Variants in DNAJC13 observed in about 807,000 individuals in gnomAD.
The protein encoded by DNAJC13 is DnaJ heat shock protein family (Hsp40) member C13.
Under a neutral mutation model 290.5 loss-of-function variants are expected in DNAJC13, and 75 were observed. The observed-to-expected ratio is 0.26, with a 90% confidence interval of 0.21 to 0.31. The LOEUF (loss-of-function observed/expected upper bound fraction) is 0.31, where lower values mean the gene tolerates loss of function less well. DNAJC13 is among the 10% of genes least tolerant of loss of function. The pLI, the probability that DNAJC13 is intolerant of heterozygous loss-of-function variation, is 1.00. For missense variants in DNAJC13, 2,260 were observed against 2,674.5 expected (o/e 0.85, Z 3.42); for synonymous variants, 862 against 892.0 (o/e 0.97, Z 0.60).
At chr3:132,523,881 G>A in intron 51 of DNAJC13, 168 bp downstream of exon 51, 1 of 635,554 alleles carries the variant, frequency 1.6e-6, no homozygotes, top group South Asian at 2.5e-5. Context: ...TTTTTGCCAT[G>A]TTCAAAAGTG....
chr3:132,467,708 G>A (rs1006565893), intron 20 of DNAJC13, among the ~76,000 whole-genome samples: 9 of 151,926 alleles, frequency 5.9e-5, no homozygotes, highest in African/African-American at 1.9e-4. Flanking sequence ...CTCGTGATCC[G>A]CCTGCCTCAG....
In DNAJC13 at chr3:132,487,559, A is replaced by ATTTTT. The variant is rs10663131; in HGVS notation, c.3268-723_3268-719dup. 2.6e-3 allele frequency among the ~76,000 whole-genome samples: 282 copies of ATTTTT among 110,436 alleles called. 24 individuals carry two copies. Among genetic ancestry groups the ATTTTT allele is most frequent in the African/African-American group, 0.012 (224 of 18,784 alleles). 72.5% of individuals were successfully genotyped at this position (110,436 alleles called of 152,430 possible). On this transcript the variant is annotated intron_variant, in intron 29 of 55. Coordinates refer to ENST00000260818, the MANE Select transcript of DNAJC13 (RefSeq NM_015268.4). ...GCGTGAGCCACCATGCCTGGCTGTA[A>ATTTTT]TTTTTTTTTTTTTTTTTTTTACTGG...
At position 132,456,395 on chromosome 3, in the gene DNAJC13, C is replaced by T. The variant is rs1469762077; in HGVS notation, c.1093C>T (p.Pro365Ser). 6.2e-7 allele frequency: 1 copy of T among 1,612,506 alleles called. No individual in the cohort carries two copies. Among genetic ancestry groups the T allele is most frequent in the African/African-American group, 1.3e-5 (1 of 74,772 alleles). Reference sequence around the variant, plus strand: ...CCTTCACCTCAGGTTCTTAGCTACGCCTCCAAGTAAGTATTGATTTAAATG... The same window carrying T: ...CCTTCACCTCAGGTTCTTAGCTACGTCTCCAAGTAAGTATTGATTTAAATG... The part of the protein sequence containing the change: ...ESLHLRFLAT[P>S]PNGNFADAVF... Residue 365 changes from proline to serine, a missense_variant, in exon 10 of 56, where the codon CCT becomes TCT. Around this residue, in one of 3 missense-constraint regions of DNAJC13, gnomAD observed 762 missense variants for 964.1 expected, o/e 0.79. Transcript: ENST00000260818.
At chr3:132,499,655 A>T in intron 37 of DNAJC13, 79 bp from the exon 38 acceptor site, 1 of 1,173,842 alleles carries the variant, frequency 8.5e-7, no homozygotes, top group African/African-American at 1.5e-5. Context: ...AGGGTTATTT[A>T]TATTTTATTA....
chr3:132,435,456 A>C (rs1939361838), intron 2 of DNAJC13, among the ~76,000 whole-genome samples: 1 of 152,194 alleles, frequency 6.6e-6, no homozygotes, highest in African/African-American at 2.4e-5. Context: ...TAGTCACTGG[A>C]GTGGTAACTT....
In DNAJC13 at chr3:132,506,910, C is replaced by T. The variant is rs557139403; in HGVS notation, c.4999-327C>T. Among the ~76,000 whole-genome samples, 4 of 152,202 alleles carry T rather than the reference C, an allele frequency of 2.6e-5. 1 individual carries two copies. Among genetic ancestry groups the T allele is most frequent in the African/African-American group, 9.6e-5 (4 of 41,538 alleles). On this transcript the variant is annotated intron_variant, in intron 42 of 55. Coordinates refer to ENST00000260818, the MANE Select transcript of DNAJC13 (RefSeq NM_015268.4). ...CTCATTTCTCAGCTCTGTCATCCTA[C>T]GTCTTACTAGGTCTGATGTCTGCTG...
intron 36 of DNAJC13, among the ~76,000 whole-genome samples, chr3:132,497,870 A>T (rs1305373139): frequency 4.0e-5 from 6 of 149,112 alleles, no homozygotes; most frequent in Non-Finnish European, 9.0e-5. Flanking sequence ...TTTTTTTTTT[A>T]AAGGAAAATT....
intron 44 of DNAJC13, among the ~76,000 whole-genome samples, chr3:132,512,174 G>A (rs1935796501): frequency 1.3e-5 from 2 of 152,164 alleles, no homozygotes; most frequent in Non-Finnish European, 2.9e-5. Flanking sequence ...TTTGGAACTT[G>A]TAAAGAGTTG....
intron 48 of DNAJC13, among the ~76,000 whole-genome samples, chr3:132,518,972 G>A (rs1045608080): frequency 6.6e-6 from 1 of 152,088 alleles, no homozygotes; most frequent in African/African-American, 2.4e-5. Flanking sequence ...ACTGGCTTCC[G>A]TTGTTTTCAT....
At chr3:132,526,860 A>G (rs1936273947) in intron 53 of DNAJC13, among the ~76,000 whole-genome samples, 1 of 152,146 alleles carries the variant, frequency 6.6e-6, no homozygotes, top group Non-Finnish European at 1.5e-5. Context: ...ATGTAACTCA[A>G]AGAACAAATA....
intron 32 of DNAJC13, 96 bp downstream of exon 32, chr3:132,491,147 A>G (rs1282752382): frequency 9.4e-7 from 1 of 1,067,502 alleles, no homozygotes; most frequent in Non-Finnish European, 1.3e-6. Flanking sequence ...TGTTTTCACT[A>G]GGTTTATAAT....
At chr3:132,488,166 C>G (rs1048829886) in intron 29 of DNAJC13, 132 bp from the exon 30 acceptor site, 1 of 682,520 alleles carries the variant, frequency 1.5e-6, no homozygotes. Flanking sequence ...GGTAGATGAG[C>G]TTACTGACTC....
chr3:132,527,991 G>A (rs1463028271), intron 53 of DNAJC13, among the ~76,000 whole-genome samples, 198 bp from the exon 54 acceptor site: 4 of 152,120 alleles, frequency 2.6e-5, no homozygotes. Flanking sequence ...AATAATTGAT[G>A]TATAGCATTT....
chr3:132,452,740 T>G (rs1933456807), intron 6 of DNAJC13, among the ~76,000 whole-genome samples: 1 of 152,208 alleles, frequency 6.6e-6, no homozygotes, highest in Admixed American at 6.5e-5. Context: ...AACTCTGAAG[T>G]CTGAAATAGT....
chr3:132,491,098 T>C, intron 32 of DNAJC13, 47 bp downstream of exon 32: 1 of 1,469,496 alleles, frequency 6.8e-7, no homozygotes, highest in South Asian at 1.4e-5. Flanking sequence ...AATTAAGTCT[T>C]TGCTGCTCGC....
chr3:132,511,475 TA>T (rs948894284), intron 44 of DNAJC13, among the ~76,000 whole-genome samples: 7 of 152,186 alleles, frequency 4.6e-5, no homozygotes, highest in Non-Finnish European at 1.0e-4. Context: ...AACATGTGTC[TA>T]AATGAGTTGA....
At chr3:132,454,536 C>T (rs899509185) in intron 9 of DNAJC13, among the ~76,000 whole-genome samples, 4 of 151,426 alleles carry the variant, frequency 2.6e-5, no homozygotes, top group East Asian at 1.9e-4. Context: ...GATGGGGTTT[C>T]GCCGTCTTGG....
intron 8 of DNAJC13, 90 bp from the exon 9 acceptor site, chr3:132,453,976 C>A: frequency 9.8e-7 from 1 of 1,018,616 alleles, no homozygotes; most frequent in Non-Finnish European, 1.4e-6. Flanking sequence ...AAAATACTGA[C>A]TTTTGTAAGC....
chr3:132,483,848 G>A (rs1934764000), intron 28 of DNAJC13, among the ~76,000 whole-genome samples: 1 of 152,176 alleles, frequency 6.6e-6, no homozygotes, highest in Non-Finnish European at 1.5e-5. Flanking sequence ...GTGAATTGGT[G>A]TTAATGTTTT....
Sources: gnomAD v4.1 joint callset for allele counts (sites outside exome capture counted in the v4.1 genomes callset) on GRCh38, gnomAD v4.1.1 for gene constraint, gnomAD v4.1.1 regional missense constraint, MANE v1.5 for transcripts, NCBI Gene and HGNC (gene_info 2026-07-23, HGNC 2026-07-21) for gene names.